The following VAV2 variants were observed in gnomAD, a reference collection of about 807,000 sequenced individuals.
VAV2 encodes guanine nucleotide exchange factor VAV2.
In VAV2, 67 loss-of-function variants were observed where a neutral mutation model predicts 132.5. That is an observed-to-expected ratio of 0.51 (90% CI 0.42 to 0.62). The LOEUF is 0.62. Ranked by LOEUF, VAV2 falls within the 20% of genes least tolerant of loss-of-function variation. VAV2 has a pLI of 0.00. For synonymous variants in VAV2, 492 were observed against 443.5 expected, an observed-to-expected ratio of 1.11 and a Z score of -1.37; for missense variants, 938 against 1,153.6, an observed-to-expected ratio of 0.81 and a Z score of 2.71.
chr9:133,967,902 C>T (rs1016394727), intron 1 of VAV2, among the ~76,000 whole-genome samples: 9 of 132,402 alleles, frequency 6.8e-5, no homozygotes, highest in Admixed American at 6.1e-4. Context: ...CACTGCACTC[C>T]AGCCTGGGCA....
At chr9:133,952,815 G>A (rs1343197921) in intron 1 of VAV2, among the ~76,000 whole-genome samples, 2 of 151,994 alleles carry the variant, frequency 1.3e-5, no homozygotes, top group Admixed American at 6.5e-5. Context: ...CCTAGAGCCT[G>A]CAGAGGTTGC....
At chr9:133,874,854 G>T (rs150730585) in intron 2 of VAV2, among the ~76,000 whole-genome samples, 3 of 152,302 alleles carry the variant, frequency 2.0e-5, no homozygotes, top group African/African-American at 4.8e-5. Context: ...GTCCAGGCAG[G>T]AAGTGGGGCG....
In VAV2 at chr9:133,796,417, C is replaced by G; in HGVS notation, c.1032+12G>C. On this transcript the variant is annotated intron_variant, in intron 11 of 29. Transcript: ENST00000371850. ...TGATGACCCCGCAGGCACCCGGGGC[C>G]CAGAGCCTCACCTTCAAGAGCAGGT... 2 of 1,611,592 alleles carry G rather than the reference C, an allele frequency of 1.2e-6. No individual in the cohort carries two copies. The highest frequency in any genetic ancestry group is 1.7e-6 in the Non-Finnish European group (2 of 1,179,070).
At chr9:133,776,961 A>G (rs1017562927) in intron 23 of VAV2, among the ~76,000 whole-genome samples, 4 of 152,136 alleles carry the variant, frequency 2.6e-5, no homozygotes, top group African/African-American at 9.7e-5. Context: ...AAGAAATACC[A>G]TATTGCCTCT....
chr9:133,906,177 C>T (rs1839646042), intron 2 of VAV2, among the ~76,000 whole-genome samples: 1 of 152,220 alleles, frequency 6.6e-6, no homozygotes, highest in Admixed American at 6.5e-5. Flanking sequence ...CCCTCCATGG[C>T]CTGGGGCTCT....
At chr9:133,783,877 G>GTTTT (rs56069048) in intron 18 of VAV2, among the ~76,000 whole-genome samples, 14 of 85,160 alleles carry the variant, frequency 1.6e-4, no homozygotes, top group African/African-American at 6.3e-4. Context: ...TGGCTGGGCC[G>GTTTT]TTTTTTTTTT....
chr9:133,991,258 C>G lies in VAV2; in HGVS notation c.204+817G>C, dbSNP rs1452670894. Among the ~76,000 whole-genome samples the G allele has an allele frequency of 2.6e-5, 4 of 152,202 alleles. No individual in the cohort carries two copies. The highest frequency in any genetic ancestry group is 5.9e-5 in the Non-Finnish European group (4 of 68,030). On this transcript the variant is annotated intron_variant, in intron 1 of 29. Transcript: ENST00000371850. This position sits in a 1 kb window ranked among gnomAD's most constrained non-coding sequence, Gnocchi z 4.8. ...CCCCCGGAGAACAGGACGGAAGCCT[C>G]GATTCTCTCAAGTCTTAGCCAAGTT...
At chr9:133,825,259 G>A (rs904209968) in intron 4 of VAV2, among the ~76,000 whole-genome samples, 1 of 152,078 alleles carries the variant, frequency 6.6e-6, no homozygotes, top group Admixed American at 6.5e-5. Context: ...GAAACGCCCC[G>A]TCTTCCGTCT....
At chr9:133,946,185 C>A (rs144077780) in intron 1 of VAV2, among the ~76,000 whole-genome samples, 17 of 152,344 alleles carry the variant, frequency 1.1e-4, no homozygotes, top group Non-Finnish European at 2.1e-4. Context: ...TAGCCCGCCA[C>A]CCCGCTGGCC....
rs145916097 is a variant in VAV2, at chr9:133,907,417, C to G, written c.321+31686G>C. Among the ~76,000 whole-genome samples the G allele has an allele frequency of 9.5e-3, 1,440 of 152,348 alleles. 25 individuals are homozygous for G. Among genetic ancestry groups the G allele is most frequent in the African/African-American group, 0.033 (1,356 of 41,574 alleles). On this transcript the variant is annotated intron_variant, in intron 2 of 29. Coordinates refer to ENST00000371850, the MANE Select transcript of VAV2 (RefSeq NM_001134398.2). ...TCCTGGCTGGCACTTGTCCCTCATA[C>G]AAAAGACAGAAGGAACCTCACAGCC...
chr9:133,914,519 G>GT (rs1839988997), intron 2 of VAV2, among the ~76,000 whole-genome samples: 1 of 147,058 alleles, frequency 6.8e-6, no homozygotes, highest in African/African-American at 2.5e-5. Flanking sequence ...GGCGCGCAGC[G>GT]TGTGACTCTG....
At chr9:133,835,227 A>C (rs779124104) in intron 3 of VAV2, among the ~76,000 whole-genome samples, 2 of 152,024 alleles carry the variant, frequency 1.3e-5, no homozygotes, top group Non-Finnish European at 2.9e-5. Context: ...GGTGGAAGGA[A>C]GCGCTTTTTC....
At chr9:133,825,600 G>C (rs978586475) in intron 4 of VAV2, among the ~76,000 whole-genome samples, 1 of 152,238 alleles carries the variant, frequency 6.6e-6, no homozygotes, top group African/African-American at 2.4e-5. Flanking sequence ...GGACCTCCCA[G>C]AGTGAAGATG....
chr9:133,871,783 T>C (rs7025684), intron 2 of VAV2, among the ~76,000 whole-genome samples: 24,579 of 152,128 alleles, frequency 0.16, 2,481 homozygotes, highest in African/African-American at 0.29. Flanking sequence ...CAAGGTCTCA[T>C]TGCTGTGGGA....
intron 9 of VAV2, among the ~76,000 whole-genome samples, chr9:133,799,647 C>A (rs568524346): frequency 6.6e-6 from 1 of 152,124 alleles, no homozygotes; most frequent in Non-Finnish European, 1.5e-5. Context: ...TGACTGGGAG[C>A]CACTTTAAAT....
intron 10 of VAV2, among the ~76,000 whole-genome samples, chr9:133,797,497 CTG>C (rs1207660826): frequency 6.6e-6 from 1 of 152,228 alleles, no homozygotes; most frequent in South Asian, 2.1e-4. Context: ...GGGAGTCTCA[CTG>C]TGTCCTGGCC....
chr9:133,827,204 T>C (rs2486342), intron 4 of VAV2, among the ~76,000 whole-genome samples: 65,591 of 70,316 alleles, frequency 0.93, 30,711 homozygotes, highest in East Asian at 0.96. Flanking sequence ...CCACTGAGCA[T>C]GGGCATCGCC....
At chr9:133,937,476 TGTGGGGTGGGTGCAAGA>T (rs1840960079) in intron 2 of VAV2, among the ~76,000 whole-genome samples, 1 of 147,768 alleles carries the variant, frequency 6.8e-6, no homozygotes, top group Non-Finnish European at 1.5e-5. Flanking sequence ...TGTGAACATG[TGTGGGGTGGGTGCAAGA>T]GTGTGTGCGT....
intron 2 of VAV2, among the ~76,000 whole-genome samples, chr9:133,907,283 A>G (rs963009156): frequency 4.6e-5 from 7 of 152,162 alleles, no homozygotes; most frequent in African/African-American, 1.7e-4. Context: ...CAACAAGCCC[A>G]CCAGGCCAGC....
Sources: gnomAD v4.1 joint callset for allele counts (sites outside exome capture counted in the v4.1 genomes callset) on GRCh38, gnomAD v4.1.1 for gene constraint, Gnocchi (gnomAD v3.1) non-coding constraint, MANE v1.5 for transcripts, NCBI Gene and HGNC (gene_info 2026-07-23, HGNC 2026-07-21) for gene names.